ARID5A: variants seen among roughly 807,000 people sequenced by gnomAD.
ARID5A encodes the protein AT-rich interaction domain 5A, also known as AT-rich interactive domain-containing protein 5A.
ARID5A carries 14 observed loss-of-function variants against 30.5 expected under a neutral mutation model. The ratio of observed to expected loss-of-function variants is 0.46; its 90% CI spans 0.30 to 0.72. The LOEUF (loss-of-function observed/expected upper bound fraction) is 0.72. ARID5A is among the 30% of genes least tolerant of loss of function. The probability of loss-of-function intolerance (pLI) is 0.07; values close to 1 mark genes in which losing one functional copy is unlikely to be tolerated. For missense variants in ARID5A, 669 were observed against 786.2 expected (o/e 0.85, Z 1.78); for synonymous variants, 338 against 340.4 (o/e 0.99, Z 0.08).
chr2:96,551,572 C>T lies in ARID5A; in HGVS notation c.1044C>T (p.Pro348=). The change falls in exon 7 of 7, where the codon CCC becomes CCT. Residue 348 remains proline (P), a synonymous_variant. Coordinates refer to ENST00000357485, the MANE Select transcript of ARID5A (RefSeq NM_212481.3). ...PIFKGCFYTH[P]TEVLKPVSQH... is the part of the protein sequence containing the mutation. Reference sequence around the variant, plus strand: ...TCAAGGGCTGCTTCTACACCCACCCCACCGAGGTGCTGAAGCCTGTCAGCC... The same window carrying T: ...TCAAGGGCTGCTTCTACACCCACCCTACCGAGGTGCTGAAGCCTGTCAGCC... 1 of 1,595,646 alleles carries T rather than the reference C, an allele frequency of 6.3e-7. No individual in the cohort carries two copies. Among genetic ancestry groups the T allele is most frequent in the Non-Finnish European group, 8.5e-7 (1 of 1,173,670 alleles).
chr2:96,548,703 G>T (rs1258221851), intron 2 of ARID5A, among the ~76,000 whole-genome samples: 1 of 152,196 alleles, frequency 6.6e-6, no homozygotes, highest in Admixed American at 6.5e-5. Context: ...CTGGATAAAC[G>T]GCATCAGCAG....
At chr2:96,536,869 C>T (rs540432345) in intron 1 of ARID5A, 39 bp downstream of exon 1, 250 of 1,225,616 alleles carry the variant, frequency 2.0e-4, no homozygotes, top group Non-Finnish European at 2.4e-4. Context: ...AGGGGCTCGG[C>T]GGCCCTGCAG....
At position 96,549,188 on chromosome 2, in the gene ARID5A, G is replaced by A. The variant is rs1461168531; in HGVS notation, c.121-133G>A. 6.7e-7 allele frequency: 1 copy of A among 1,482,494 alleles called. No homozygotes were observed. The highest frequency in any genetic ancestry group is 9.0e-7 in the Non-Finnish European group (1 of 1,106,270). The allele number at this position is 1,482,494 out of a possible 1,614,324, so 91.8% of individuals were successfully genotyped here. On this transcript the variant is annotated intron_variant, in intron 2 of 6. Coordinates refer to ENST00000357485, the MANE Select transcript of ARID5A (RefSeq NM_212481.3). The surrounding 1 kb of genome is among the most constrained non-coding windows in gnomAD (Gnocchi z 6.1). Reference sequence around the variant, plus strand: ...GGAACAGTCACTCCCTCCCAGAACAGTGGCTAGGTGTTCTCTGGGAAACTG... The same window carrying A: ...GGAACAGTCACTCCCTCCCAGAACAATGGCTAGGTGTTCTCTGGGAAACTG...
In ARID5A at chr2:96,549,712, C is replaced by T; in HGVS notation, c.260-41C>T. On this transcript the variant is annotated intron_variant, in intron 3 of 6. Transcript: ENST00000357485. The surrounding 1 kb of genome is among the most constrained non-coding windows in gnomAD (Gnocchi z 6.1). ...AAGGGGTGGCATGCTGTCCCCACCT[C>T]CCACAGAGACTGACGGCCAGCCTGC... The T allele has an allele frequency of 6.2e-7, 1 of 1,613,472 alleles. No individual in the cohort carries two copies. Among genetic ancestry groups the T allele is most frequent in the African/African-American group, 1.3e-5 (1 of 75,022 alleles).
At chr2:96,547,680 CAG>C (rs1558617900) in intron 2 of ARID5A, among the ~76,000 whole-genome samples, 163 bp downstream of exon 2, 1 of 152,186 alleles carries the variant, frequency 6.6e-6, no homozygotes, top group African/African-American at 2.4e-5. Flanking sequence ...TCATCTGTGG[CAG>C]AGAGTTTCAA....
rs1181828241 is a variant in ARID5A, at chr2:96,551,929, G to A, written c.1401G>A (p.Lys467=). 2.6e-6 allele frequency: 4 copies of A among 1,524,206 alleles called. No homozygotes were observed. Among genetic ancestry groups the A allele is most frequent in the Middle Eastern group, 1.8e-4 (1 of 5,636 alleles). The allele number at this position is 1,524,206 out of a possible 1,614,324, so 94.4% of individuals were successfully genotyped here. ...TGCGGGCCGTGTCTCCCTTTCTTAA[G>A]GAGGCGGATGCCAAGAAGTGTGGGG... ...KRLRAVSPFL[K]EADAKKCGAK... is the part of the protein sequence containing the mutation. The change falls in exon 7 of 7, where the codon AAG becomes AAA. Residue 467 remains lysine, a synonymous_variant. Transcript: ENST00000357485.
intron 1 of ARID5A, 107 bp downstream of exon 1, chr2:96,536,937 G>C (rs1187560321): frequency 1.7e-6 from 2 of 1,202,402 alleles, no homozygotes; most frequent in East Asian, 3.2e-5. Flanking sequence ...TCGGTGCGCT[G>C]TGTGGGGCGG....
rs376254790 is a variant in ARID5A at position 96,551,144 on chromosome 2, C to T, written c.616C>T (p.Leu206Phe). 373 of 1,613,610 alleles carry T rather than the reference C, an allele frequency of 2.3e-4. No individual in the cohort carries two copies. The highest frequency in any genetic ancestry group is 2.9e-4 in the Non-Finnish European group (340 of 1,179,914). ...AGCAGATGCTGCTGACCCAGCACCACTTCCCAGCCAGGAGCCCCCCAGGAA... is the reference window on the plus strand; with the variant it reads ...AGCAGATGCTGCTGACCCAGCACCATTTCCCAGCCAGGAGCCCCCCAGGAA... ...TKADAADPAP[L>F]PSQEPPRNST... The change falls in exon 7 of 7, where the codon CTT becomes TTT. Residue 206 changes from leucine (L) to phenylalanine (F), a missense_variant. Around this residue, in one of 4 missense-constraint regions of ARID5A, gnomAD observed 548 missense variants for 577.4 expected, o/e 0.95. Transcript: ENST00000357485.
rs1012297224 is a variant in ARID5A, at chr2:96,537,825, G to T, written c.4+995G>T. 2 of 971,166 alleles carry T rather than the reference G, an allele frequency of 2.1e-6. No individual in the cohort carries two copies. Among genetic ancestry groups the T allele is most frequent in the Non-Finnish European group, 2.4e-6 (2 of 817,042 alleles). The allele number at this position is 971,166 out of a possible 1,614,324, so 60.2% of individuals were successfully genotyped here. A position where few individuals can be genotyped will look rare whatever the true frequency, so the allele number is the denominator to read the frequency against. ...GGGGCTTGCGCGGTGCAGGACCCCC[G>T]AGGGCCCAGGGGGTCCCAAGGCGCT... On this transcript the variant is annotated intron_variant, in intron 1 of 6. Transcript: ENST00000357485. This position sits in a 1 kb window ranked among gnomAD's most constrained non-coding sequence, Gnocchi z 4.8.
chr2:96,549,514 G>T lies in ARID5A; in HGVS notation c.259+55G>T. ...GGGCCCAGCAGGGGACCCCGCCCAGGCAGGGCATCGGGCAGGCACTCCCAC... is the reference window on the plus strand; with the variant it reads ...GGGCCCAGCAGGGGACCCCGCCCAGTCAGGGCATCGGGCAGGCACTCCCAC... On this transcript the variant is annotated intron_variant, in intron 3 of 6. Transcript: ENST00000357485. This position sits in a 1 kb window ranked among gnomAD's most constrained non-coding sequence, Gnocchi z 6.1. 1 of 1,592,274 alleles carries T rather than the reference G, an allele frequency of 6.3e-7. No homozygotes were observed. The highest frequency in any genetic ancestry group is 8.6e-7 in the Non-Finnish European group (1 of 1,167,310).
In ARID5A at chr2:96,549,491, G is replaced by C; in HGVS notation, c.259+32G>C. 3 of 1,602,696 alleles carry C rather than the reference G, an allele frequency of 1.9e-6. No homozygotes were observed. Among genetic ancestry groups the C allele is most frequent in the Admixed American group, 1.7e-5 (1 of 58,604 alleles). On this transcript the variant is annotated intron_variant, in intron 3 of 6. Transcript: ENST00000357485. The surrounding 1 kb of genome is among the most constrained non-coding windows in gnomAD (Gnocchi z 6.1). Reference sequence around the variant, plus strand: ...CCCTGGGGTGCAGGCAGGGAGGGGGGCCCAGCAGGGGACCCCGCCCAGGCA... The same window carrying C: ...CCCTGGGGTGCAGGCAGGGAGGGGGCCCCAGCAGGGGACCCCGCCCAGGCA...
At chr2:96,542,758 C>T (rs1158894119) in intron 1 of ARID5A, among the ~76,000 whole-genome samples, 1 of 152,148 alleles carries the variant, frequency 6.6e-6, no homozygotes, top group Non-Finnish European at 1.5e-5. Context: ...ACTTAAGAAG[C>T]CCCAGTCACA....
At chr2:96,538,258 C>T in intron 1 of ARID5A, 1 of 985,556 alleles carries the variant, frequency 1.0e-6, no homozygotes, top group Non-Finnish European at 1.2e-6. Flanking sequence ...AAATGTGGCC[C>T]AGACTCCGTG....
intron 1 of ARID5A, chr2:96,538,078 C>G: frequency 3.0e-6 from 3 of 985,538 alleles, no homozygotes; most frequent in Non-Finnish European, 3.6e-6. Context: ...CAATCCAGGC[C>G]TTAGGGACCC....
chr2:96,537,908 G>T lies in ARID5A; in HGVS notation c.4+1078G>T, dbSNP rs1210132948. ...TGGGCCAGTAAGGAGTGCTCCGCGG[G>T]CCCCAGGGGAGGACAACAGGTGCCT... On this transcript the variant is annotated intron_variant, in intron 1 of 6. Transcript: ENST00000357485. The surrounding 1 kb of genome is among the most constrained non-coding windows in gnomAD (Gnocchi z 4.8). The T allele has an allele frequency of 1.0e-5, 10 of 985,494 alleles. No homozygotes were observed. Among genetic ancestry groups the T allele is most frequent in the Non-Finnish European group, 1.2e-5 (10 of 829,966 alleles). The allele number at this position is 985,494 out of a possible 1,614,324, so 61.0% of individuals were successfully genotyped here. A position where few individuals can be genotyped will look rare whatever the true frequency, so the allele number is the denominator to read the frequency against.
chr2:96,551,543 A>T lies in ARID5A; in HGVS notation c.1015A>T (p.Ile339Phe). 1 of 1,607,044 alleles carries T rather than the reference A, an allele frequency of 6.2e-7. No individual in the cohort carries two copies. Among genetic ancestry groups the T allele is most frequent in the Non-Finnish European group, 8.5e-7 (1 of 1,177,468 alleles). Residue 339 changes from isoleucine to phenylalanine, a missense_variant, in exon 7 of 7, where the codon ATC becomes TTC. Transcript: ENST00000357485. ...AQAGPCPAAP[I>F]FKGCFYTHPT... The stretch of plus-strand genomic sequence containing the variant: ...GGCAGGCCCCTGCCCGGCAGCCCCC[A>T]TCTTCAAGGGCTGCTTCTACACCCA...
At chr2:96,540,344 G>T (rs2065824149) in intron 1 of ARID5A, among the ~76,000 whole-genome samples, 1 of 152,202 alleles carries the variant, frequency 6.6e-6, no homozygotes, top group Admixed American at 6.5e-5. Context: ...CAATCCTCCT[G>T]CCCAGCACCC....
chr2:96,543,438 C>A (rs1444269912), intron 1 of ARID5A, among the ~76,000 whole-genome samples: 1 of 151,766 alleles, frequency 6.6e-6, no homozygotes, highest in Non-Finnish European at 1.5e-5. Context: ...CATTTTTTAA[C>A]AGCACGTGCT....
At chr2:96,543,248 C>G (rs892895342) in intron 1 of ARID5A, among the ~76,000 whole-genome samples, 4 of 152,182 alleles carry the variant, frequency 2.6e-5, no homozygotes, top group South Asian at 2.1e-4. Context: ...AGCAACTTAC[C>G]CATAACCATT....
Sources: allele counts gnomAD v4.1 joint callset (sites outside exome capture counted in the v4.1 genomes callset), GRCh38; gene constraint gnomAD v4.1.1; regional missense constraint gnomAD v4.1.1; non-coding constraint Gnocchi (gnomAD v3.1); transcripts MANE v1.5; gene names NCBI Gene and HGNC (gene_info 2026-07-23, HGNC 2026-07-21).